PDE4D: variants seen among roughly 807,000 people sequenced by gnomAD.
PDE4D encodes the protein phosphodiesterase 4D, also known as 3',5'-cyclic-AMP phosphodiesterase 4D.
Under a neutral mutation model 87.4 loss-of-function variants are expected in PDE4D, and 24 were observed. The observed-to-expected ratio is 0.27, with a 90% CI of 0.20 to 0.39. The LOEUF (loss-of-function observed/expected upper bound fraction) is 0.39. Among genes scored for constraint, PDE4D ranks in the 10% least tolerant of loss-of-function variants. PDE4D has a pLI of 1.00. For synonymous variants in PDE4D, 384 were observed against 383.2 expected (o/e 1.00, Z -0.02); for missense variants, 714 against 1,041.0 (o/e 0.69, Z 4.32).
At chr5:59,384,071 G>GT (rs79626256) in intron 1 of PDE4D, among the ~76,000 whole-genome samples, 6 of 151,286 alleles carry the variant, frequency 4.0e-5, no homozygotes, top group South Asian at 2.1e-4. Context: ...TATTTTTTTA[G>GT]TTTTTTTTAT....
intron 1 of PDE4D, among the ~76,000 whole-genome samples, chr5:59,861,999 G>A (rs1044523741): frequency 5.9e-5 from 9 of 152,288 alleles, no homozygotes; most frequent in African/African-American, 2.2e-4. Context: ...AGTTTACTTA[G>A]AACAACTTGC....
intron 5 of PDE4D, among the ~76,000 whole-genome samples, chr5:59,080,852 A>G (rs1272984869): frequency 6.6e-6 from 1 of 152,218 alleles, no homozygotes; most frequent in Non-Finnish European, 1.5e-5. Flanking sequence ...TGAACTATTA[A>G]TATGAAGGAG....
intron 1 of PDE4D, among the ~76,000 whole-genome samples, chr5:59,876,155 A>C (rs769453186): frequency 3.9e-5 from 6 of 152,138 alleles, no homozygotes; most frequent in Non-Finnish European, 8.8e-5. Context: ...TAACTTTTCT[A>C]AGTTCCATTT....
intron 1 of PDE4D, among the ~76,000 whole-genome samples, chr5:59,780,020 C>CT: frequency 6.6e-6 from 1 of 152,244 alleles, no homozygotes; most frequent in Admixed American, 6.5e-5. Context: ...TTGTCAATGC[C>CT]TTTTTTCCCT....
intron 1 of PDE4D, among the ~76,000 whole-genome samples, chr5:59,240,808 A>C (rs1581555380): frequency 9.7e-5 from 1 of 10,294 alleles, no homozygotes; most frequent in South Asian, 3.6e-3. Flanking sequence ...ACACACACAC[A>C]TCCCTTTTGG....
At chr5:60,366,825 GA>G (rs1165172460) in intron 1 of PDE4D, among the ~76,000 whole-genome samples, 1 of 152,218 alleles carries the variant, frequency 6.6e-6, no homozygotes, top group East Asian at 1.9e-4. Context: ...ACATGCACAT[GA>G]AATTCAACCA....
chr5:59,062,508 T>A (rs1033700410), intron 5 of PDE4D, among the ~76,000 whole-genome samples: 1 of 152,050 alleles, frequency 6.6e-6, no homozygotes, highest in Non-Finnish European at 1.5e-5. Flanking sequence ...AGACTATAGT[T>A]ATACAGAAAA....
rs1032223584 is a variant in PDE4D at position 58,971,230 on chromosome 5, GT to G, written c.*3433del. 1 of 152,248 alleles carries G rather than the reference GT, an allele frequency of 6.6e-6. No individual in the cohort carries two copies. The highest frequency in any genetic ancestry group is 2.4e-5 in the African/African-American group (1 of 41,398). The allele number at this position is 152,248 out of a possible 1,614,324, so 9.4% of individuals were successfully genotyped here. On this transcript the variant is annotated 3_prime_UTR_variant, in exon 15 of 15. Transcript: ENST00000340635. The stretch of plus-strand genomic sequence containing the variant: ...CCTGGGACCAAAGACCTGCAGCTAT[GT>G]TTTTTTAAATTTATATATCTTTAAG...
intron 2 of PDE4D, among the ~76,000 whole-genome samples, chr5:60,019,988 G>C (rs904031422): frequency 6.6e-6 from 1 of 151,914 alleles, no homozygotes; most frequent in African/African-American, 2.4e-5. Context: ...TCCTCACTAA[G>C]ATTAATCATT....
intron 1 of PDE4D, among the ~76,000 whole-genome samples, chr5:59,347,506 T>C (rs1238457582): frequency 6.6e-6 from 1 of 152,170 alleles, no homozygotes; most frequent in Non-Finnish European, 1.5e-5. Context: ...TAGCTTAAGG[T>C]GTTTATGTTT....
At chr5:59,479,904 A>C (rs1803953931) in intron 1 of PDE4D, among the ~76,000 whole-genome samples, 1 of 152,122 alleles carries the variant, frequency 6.6e-6, no homozygotes, top group South Asian at 2.1e-4. Flanking sequence ...CTGAGAGAAT[A>C]ATCATGGCAT....
chr5:60,041,631 G>C (rs1180069454), intron 2 of PDE4D, among the ~76,000 whole-genome samples: 2 of 152,214 alleles, frequency 1.3e-5, no homozygotes, highest in Non-Finnish European at 2.9e-5. Context: ...TGGTTAGACA[G>C]TGGGTACAGA....
At chr5:59,039,298 GGCCCGAGTCCCAGTCCAGGA>G in intron 5 of PDE4D, 5 of 1,067,236 alleles carry the variant, frequency 4.7e-6, no homozygotes, top group Non-Finnish European at 5.7e-6. Context: ...CTGTGCGGCG[GGCCCGAGTCCCAGTCCAGGA>G]GCCCGGCTCT....
rs1378724522 is a variant in PDE4D at position 59,043,691 on chromosome 5, G to A, written c.809-4720C>T. Reference sequence around the variant, plus strand: ...ATTTACATTAGGTATATCTCCTAATGCTATCCCTCCCCCTTCCCCCCACCC... The same window carrying A: ...ATTTACATTAGGTATATCTCCTAATACTATCCCTCCCCCTTCCCCCCACCC... On this transcript the variant is annotated intron_variant, in intron 5 of 14. Transcript: ENST00000340635. Among the ~76,000 whole-genome samples, 9 of 152,142 alleles carry A rather than the reference G, an allele frequency of 5.9e-5. No individual in the cohort carries two copies. The East Asian group carries it at 1.5e-3, about 26-fold the overall frequency.
chr5:60,332,171 A>T (rs1427405855), intron 1 of PDE4D, among the ~76,000 whole-genome samples: 2 of 152,066 alleles, frequency 1.3e-5, no homozygotes, highest in African/African-American at 4.8e-5. Context: ...CAAACATTGA[A>T]TTTTTTTTAA....
chr5:59,074,592 T>C (rs1340866619), intron 5 of PDE4D, among the ~76,000 whole-genome samples: 1 of 152,102 alleles, frequency 6.6e-6, no homozygotes. Context: ...ACCTCATCTC[T>C]ACTAAAATAC....
At chr5:60,173,985 G>A (rs1783701557) in intron 2 of PDE4D, among the ~76,000 whole-genome samples, 1 of 152,132 alleles carries the variant, frequency 6.6e-6, no homozygotes, top group East Asian at 1.9e-4. Flanking sequence ...GATAGCTGAG[G>A]CAGTAAATAT....
intron 5 of PDE4D, among the ~76,000 whole-genome samples, chr5:59,057,175 A>C (rs573117031): frequency 1.3e-5 from 2 of 152,166 alleles, no homozygotes; most frequent in Non-Finnish European, 2.9e-5. Flanking sequence ...TGCAGAAACA[A>C]GGCTGGCAGA....
At chr5:60,429,744 G>A (rs553562808) in intron 1 of PDE4D, among the ~76,000 whole-genome samples, 4 of 151,752 alleles carry the variant, frequency 2.6e-5, no homozygotes, top group East Asian at 3.9e-4. Context: ...TTTTTATTCC[G>A]TTCATGTGGT....
Sources: gnomAD v4.1 joint callset for allele counts (sites outside exome capture counted in the v4.1 genomes callset) on GRCh38, gnomAD v4.1.1 for gene constraint, MANE v1.5 for transcripts, NCBI Gene and HGNC (gene_info 2026-07-23, HGNC 2026-07-21) for gene names.